The following EXOC1 variants were observed in gnomAD, a reference collection of about 807,000 sequenced individuals.
EXOC1 encodes the protein exocyst complex component 1.
Under a neutral mutation model 107.7 loss-of-function variants are expected in EXOC1, and 67 were observed. That is an observed-to-expected ratio of 0.62 (90% CI 0.51 to 0.76). The LOEUF (loss-of-function observed/expected upper bound fraction) is 0.76, where lower values mean the gene tolerates loss of function less well. EXOC1 is among the 30% of genes least tolerant of loss of function. The pLI is 0.00. For synonymous variants in EXOC1, 348 were observed against 353.5 expected (o/e 0.98, Z 0.17); for missense variants, 833 against 1,055.7 (o/e 0.79, Z 2.92).
intron 1 of EXOC1, among the ~76,000 whole-genome samples, 179 bp downstream of exon 1, chr4:55,854,132 G>A (rs1720724075): frequency 6.6e-6 from 1 of 152,104 alleles, no homozygotes; most frequent in South Asian, 2.1e-4. Flanking sequence ...AGAGGAGAGC[G>A]TGACTGTGCC....
rs141776875 is a variant in EXOC1 at position 55,904,185 on chromosome 4, A to G, written c.2533-158A>G. Among the ~76,000 whole-genome samples the G allele has an allele frequency of 5.8e-3, 880 of 151,332 alleles. 5 individuals carry two copies. The highest frequency in any genetic ancestry group is 0.01 in the Middle Eastern group (3 of 294). ...TGATGTCATGTACTGAAGGTTACAA[A>G]TCTTGTAGGTAAAAGTGACTGGGAT... On this transcript the variant is annotated intron_variant, in intron 18 of 18. Transcript: ENST00000381295.
At chr4:55,885,520 A>G (rs1723792976) in intron 10 of EXOC1, 1 of 152,186 alleles carries the variant, frequency 6.6e-6, no homozygotes, top group Non-Finnish European at 1.5e-5. Flanking sequence ...AAGATCACAT[A>G]TCTTCTATTA....
chr4:55,899,580 T>C, intron 16 of EXOC1, 105 bp from the exon 17 acceptor site: 1 of 1,002,084 alleles, frequency 1.0e-6, no homozygotes. Context: ...GAAATGTGCT[T>C]AATTCTTAAA....
chr4:55,893,553 A>G lies in EXOC1; in HGVS notation c.1726A>G (p.Lys576Glu). The change falls in exon 15 of 19, where the codon AAA (lysine) becomes GAA (glutamate). Residue 576 changes from lysine to glutamate, a missense_variant and splice_region_variant. Lys to Glu is a moderately conservative substitution (Grantham distance 56, BLOSUM62 1). Transcript: ENST00000381295. ...ACTTCTTGTCTGTTTTCTGAACAGG[A>G]AAGATATGATCCGCCAAATGATGAT... Reference protein sequence around the residue: ...CGTPLPVSSEKDMIRQMMIKI... With the variant: ...CGTPLPVSSEEDMIRQMMIKI... The G allele has an allele frequency of 6.2e-7, 1 of 1,612,248 alleles. No individual in the cohort carries two copies.
At chr4:55,900,528 A>G (rs774649505) in intron 17 of EXOC1, 1 of 152,298 alleles carries the variant, frequency 6.6e-6, no homozygotes, top group Non-Finnish European at 1.5e-5. Context: ...GCTTAAATGA[A>G]CCTTTTAAAC....
Position 55,902,556 on chromosome 4 carries a change from G to T in EXOC1, c.2532+18G>T. 1.4e-6 allele frequency: 2 copies of T among 1,449,870 alleles called. No homozygotes were observed. The highest frequency in any genetic ancestry group is 1.6e-5 in the South Asian group (1 of 61,982). 89.8% of individuals were successfully genotyped at this position (1,449,870 alleles called of 1,614,324 possible). ...TACTTCAGGTATGCTTACTTCTTTT[G>T]ACCATCTGACTTAAAGATCCTTACA... On this transcript the variant is annotated intron_variant, in intron 18 of 18. Transcript: ENST00000381295.
chr4:55,897,470 A>G (rs1457730556), intron 16 of EXOC1, among the ~76,000 whole-genome samples: 2 of 152,194 alleles, frequency 1.3e-5, no homozygotes, highest in Admixed American at 1.3e-4. Flanking sequence ...AATTAGTACT[A>G]AAATACAAGA....
intron 15 of EXOC1, 73 bp downstream of exon 15, chr4:55,893,853 C>T (rs536877185): frequency 1.3e-4 from 162 of 1,218,816 alleles, no homozygotes; most frequent in Middle Eastern, 2.6e-4. Context: ...TATTTAAAAT[C>T]GAGGGATTTC....
chr4:55,865,916 T>A (rs1721920591), intron 4 of EXOC1, among the ~76,000 whole-genome samples: 1 of 152,138 alleles, frequency 6.6e-6, no homozygotes, highest in Non-Finnish European at 1.5e-5. Flanking sequence ...CTGAGATCGA[T>A]TTTAAGAATA....
At chr4:55,889,096 A>G (rs1466085043) in intron 11 of EXOC1, among the ~76,000 whole-genome samples, 164 bp downstream of exon 11, 1 of 152,236 alleles carries the variant, frequency 6.6e-6, no homozygotes, top group Non-Finnish European at 1.5e-5. Flanking sequence ...GGCTGTATCC[A>G]AGAAATATAT....
In EXOC1 at chr4:55,891,316, T is replaced by C. The variant is rs780112966; in HGVS notation, c.1541T>C (p.Ile514Thr). 10 of 1,610,442 alleles carry C rather than the reference T, an allele frequency of 6.2e-6. No homozygotes were observed. Among genetic ancestry groups the C allele is most frequent in the Non-Finnish European group, 8.5e-6 (10 of 1,176,910 alleles). Reference sequence around the variant, plus strand: ...TAGGATCACTTTGGTTTTCTTCAGATCTTTGAACAGGTACTAAGTGAACTG... The same window carrying C: ...TAGGATCACTTTGGTTTTCTTCAGACCTTTGAACAGGTACTAAGTGAACTG... ...DVADRTKFDKIFEQVLSELEP... is the reference protein window; with the variant it reads ...DVADRTKFDKTFEQVLSELEP... Residue 514 changes from isoleucine (I) to threonine (T), a missense_variant and splice_region_variant, in exon 13 of 19, where the codon ATC becomes ACC. This residue lies in a region of EXOC1 where 617 missense variants were observed against 701.3 expected (regional missense o/e 0.88). Transcript: ENST00000381295.
chr4:55,865,322 C>T (rs1721859814), intron 4 of EXOC1, among the ~76,000 whole-genome samples: 1 of 152,080 alleles, frequency 6.6e-6, no homozygotes, highest in African/African-American at 2.4e-5. Context: ...AAGATACAAA[C>T]ATTGTAAGAT....
chr4:55,863,657 A>G (rs1269642393), intron 3 of EXOC1, among the ~76,000 whole-genome samples: 2 of 152,198 alleles, frequency 1.3e-5, no homozygotes, highest in African/African-American at 4.8e-5. Flanking sequence ...TTAGCTTTCA[A>G]GATATCTTTA....
Position 55,860,410 on chromosome 4 carries a change from G to T in EXOC1, c.125-1G>T. ...ATAAAAGTGTGCGTTTTACTCAACA[G>T]TGACAACTGAACGCCCTGTGCAGGT... On this transcript the variant is annotated splice_acceptor_variant, in intron 2 of 18. Transcript: ENST00000381295. LOFTEE classifies it high-confidence loss of function. The T allele has an allele frequency of 6.2e-7, 1 of 1,613,520 alleles. No individual in the cohort carries two copies. The highest frequency in any genetic ancestry group is 8.5e-7 in the Non-Finnish European group (1 of 1,179,590).
At chr4:55,854,725 AC>A (rs1393255435) in intron 1 of EXOC1, among the ~76,000 whole-genome samples, 2 of 152,216 alleles carry the variant, frequency 1.3e-5, no homozygotes, top group Non-Finnish European at 2.9e-5. Context: ...TTTGCCTCTT[AC>A]TGTACACTCA....
At chr4:55,893,500 A>T (rs1724826266) in intron 14 of EXOC1, 52 bp from the exon 15 acceptor site, 1 of 1,498,656 alleles carries the variant, frequency 6.7e-7, no homozygotes, top group Non-Finnish European at 9.1e-7. Context: ...TTAACGGTGA[A>T]TTCACCTGAA....
intron 1 of EXOC1, among the ~76,000 whole-genome samples, 182 bp downstream of exon 1, chr4:55,854,135 A>G (rs1212518994): frequency 1.3e-5 from 2 of 152,102 alleles, no homozygotes; most frequent in Non-Finnish European, 2.9e-5. Flanking sequence ...GGAGAGCGTG[A>G]CTGTGCCTTC....
At chr4:55,866,187 G>A (rs968516418) in intron 4 of EXOC1, among the ~76,000 whole-genome samples, 2 of 152,110 alleles carry the variant, frequency 1.3e-5, no homozygotes, top group South Asian at 4.1e-4. Flanking sequence ...ATTATAAATG[G>A]TAGCAGTGGC....
chr4:55,863,022 T>C (rs1721617903), intron 3 of EXOC1, among the ~76,000 whole-genome samples: 1 of 152,002 alleles, frequency 6.6e-6, no homozygotes, highest in South Asian at 2.1e-4. Flanking sequence ...CACCTTAGCC[T>C]CCCGAGTAGC....
Sources: gnomAD v4.1 joint callset for allele counts (sites outside exome capture counted in the v4.1 genomes callset) on GRCh38, gnomAD v4.1.1 for gene constraint, gnomAD v4.1.1 regional missense constraint, MANE v1.5 for transcripts, NCBI Gene and HGNC (gene_info 2026-07-23, HGNC 2026-07-21) for gene names.